The following ZNF552 variants were observed in gnomAD, a reference collection of about 807,000 sequenced individuals.
The protein encoded by ZNF552 is zinc finger protein 552.
ZNF552 carries 2 observed loss-of-function variants against 7.2 expected under a neutral mutation model. The observed-to-expected ratio is 0.28, with a 90% CI of 0.11 to 0.88. The LOEUF (loss-of-function observed/expected upper bound fraction) is 0.88, where lower values mean the gene tolerates loss of function less well. Among genes scored for constraint, ZNF552 ranks in the 40% least tolerant of loss-of-function variants. The pLI is 0.60. For missense variants in ZNF552, 421 were observed against 493.4 expected (o/e 0.85, Z 1.39); for synonymous variants, 173 against 176.5 (o/e 0.98, Z 0.16).
At chr19:57,814,591 G>A in intron 1 of ZNF552, 120 bp downstream of exon 1, 1 of 1,580,672 alleles carries the variant, frequency 6.3e-7, no homozygotes. Flanking sequence ...TCCCGAGAGC[G>A]CCTCAGTGTC....
chr19:57,808,505 G>A lies in ZNF552; in HGVS notation c.759C>T (p.Asp253=). Residue 253 remains aspartate (D), a synonymous_variant, in exon 3 of 3, where the codon GAC becomes GAT. Coordinates refer to ENST00000391701, the MANE Select transcript of ZNF552 (RefSeq NM_024762.3). The part of the protein sequence containing the change: ...CECGKSSSKY[D]SFSNHQGVHT... ...GAACTCCTTGATGATTACTGAAGCT[G>A]TCATATTTGCTAGAGGATTTCCCAC... The A allele has an allele frequency of 1.2e-6, 2 of 1,613,884 alleles. No individual in the cohort carries two copies. The highest frequency in any genetic ancestry group is 1.1e-5 in the South Asian group (1 of 91,052).
chr19:57,809,557 A>C (rs1010791527), intron 2 of ZNF552, among the ~76,000 whole-genome samples: 20 of 152,158 alleles, frequency 1.3e-4, no homozygotes, highest in Admixed American at 5.9e-4. Context: ...GATGTGAATA[A>C]AATTAAGATG....
chr19:57,814,683 C>G, intron 1 of ZNF552, 28 bp downstream of exon 1: 1 of 1,614,006 alleles, frequency 6.2e-7, no homozygotes, highest in South Asian at 1.1e-5. Flanking sequence ...AGGAGGTGAC[C>G]GGAGAGCACG....
chr19:57,811,228 G>A (rs1204903892), intron 2 of ZNF552, among the ~76,000 whole-genome samples: 4 of 151,774 alleles, frequency 2.6e-5, no homozygotes, highest in Admixed American at 2.0e-4. Flanking sequence ...GCTGGAGTGC[G>A]GTGGCACAAT....
Position 57,807,918 on chromosome 19 carries a change from T to A in ZNF552, c.*122A>T, listed in dbSNP as rs1987772052. ...TACTTGTAAGGACTCTTCTCTAGTGTGAACTCTCCAATATCCAAGGAGAGC... is the reference window on the plus strand; with the variant it reads ...TACTTGTAAGGACTCTTCTCTAGTGAGAACTCTCCAATATCCAAGGAGAGC... On this transcript the variant is annotated 3_prime_UTR_variant, in exon 3 of 3. Transcript: ENST00000391701. 1 of 1,296,820 alleles carries A rather than the reference T, an allele frequency of 7.7e-7. No homozygotes were observed. The highest frequency in any genetic ancestry group is 1.1e-6 in the Non-Finnish European group (1 of 946,914). 80.3% of individuals were successfully genotyped at this position (1,296,820 alleles called of 1,614,324 possible).
rs942546692 is a variant in ZNF552, at chr19:57,808,078, G to C, written c.1186C>G (p.Arg396Gly). 1.9e-6 allele frequency: 3 copies of C among 1,613,562 alleles called. No individual in the cohort carries two copies. Among genetic ancestry groups the C allele is most frequent in the African/African-American group, 2.7e-5 (2 of 74,828 alleles). Residue 396 changes from arginine to glycine, a missense_variant, in exon 3 of 3, where the codon CGT (arginine) becomes GGT (glycine). By Grantham distance (125) the Arg-to-Gly change is moderately radical. This residue lies in a region of ZNF552 where 299 missense variants were observed against 293.7 expected (regional missense o/e 1.02). Coordinates refer to ENST00000391701, the MANE Select transcript of ZNF552 (RefSeq NM_024762.3). ...EKKFRQISSL[R>G]HHQRVHKRKG... ...CTTTTGTGAACTCTCTGATGATGAC[G>C]AAGTGAAGAGATTTGCCTAAATTTT...
In ZNF552 at chr19:57,808,663, A is replaced by C; in HGVS notation, c.601T>G (p.Cys201Gly). Residue 201 changes from cysteine to glycine, a missense_variant, in exon 3 of 3, where the codon TGT becomes GGT. Physicochemically the swap from Cys to Gly is radical, Grantham distance 159. This residue lies in a region of ZNF552 where 299 missense variants were observed against 293.7 expected (regional missense o/e 1.02). Coordinates refer to ENST00000391701, the MANE Select transcript of ZNF552 (RefSeq NM_024762.3). Reference protein sequence around the residue: ...HTGKSNSKTECVSLFHGGKSH... With the variant: ...HTGKSNSKTEGVSLFHGGKSH... ...TTTCCCCCATGAAACAGAGACACAC[A>C]CTCAGTTTTGCTGTTTGACTTCCCA... The C allele has an allele frequency of 6.2e-7, 1 of 1,614,150 alleles. No homozygotes were observed. The highest frequency in any genetic ancestry group is 8.5e-7 in the Non-Finnish European group (1 of 1,180,022).
chr19:57,807,851 A>G lies in ZNF552; in HGVS notation c.*189T>C. The G allele has an allele frequency of 1.2e-6, 1 of 853,734 alleles. No individual in the cohort carries two copies. Among genetic ancestry groups the G allele is most frequent in the African/African-American group, 1.7e-5 (1 of 59,058 alleles). 52.9% of individuals were successfully genotyped at this position (853,734 alleles called of 1,614,324 possible). On this transcript the variant is annotated 3_prime_UTR_variant, in exon 3 of 3. Coordinates refer to ENST00000391701, the MANE Select transcript of ZNF552 (RefSeq NM_024762.3). ...CATTCAGTGTTAACTATAATCCTGAAGGAATACAGAGGTGTGGCTACAAAA... is the reference window on the plus strand; with the variant it reads ...CATTCAGTGTTAACTATAATCCTGAGGGAATACAGAGGTGTGGCTACAAAA...
chr19:57,814,056 C>T (rs1987911257), intron 1 of ZNF552, among the ~76,000 whole-genome samples: 2 of 152,040 alleles, frequency 1.3e-5, no homozygotes, highest in African/African-American at 4.8e-5. Context: ...TTCTTGTATG[C>T]GTTCCTTAAA....
chr19:57,813,977 A>ATCCG (rs199973250), intron 1 of ZNF552, among the ~76,000 whole-genome samples: 42,210 of 147,674 alleles, frequency 0.29, 6,258 homozygotes, highest in African/African-American at 0.38. Context: ...CTCCGGACCA[A>ATCCG]CCCGCCTAGG....
At chr19:57,811,715 C>CAAAAAAAAAAAA (rs1162967437) in intron 2 of ZNF552, among the ~76,000 whole-genome samples, 1 of 49,702 alleles carries the variant, frequency 2.0e-5, no homozygotes, top group Non-Finnish European at 3.4e-5. Flanking sequence ...AACTCCATCT[C>CAAAAAAAAAAAA]AAAAAAAAAA....
Position 57,808,080 on chromosome 19 carries a change from A to G in ZNF552, c.1184T>C (p.Leu395Pro). ...TTTGTGAACTCTCTGATGATGACGA[A>G]GTGAAGAGATTTGCCTAAATTTTTT... ...CEKKFRQISS[L>P]RHHQRVHKRK... The change falls in exon 3 of 3, where the codon CTT becomes CCT. Residue 395 changes from leucine to proline, a missense_variant. Physicochemically the swap from Leu to Pro is moderately conservative, Grantham distance 98. This residue lies in a region of ZNF552 where 299 missense variants were observed against 293.7 expected (regional missense o/e 1.02). Coordinates refer to ENST00000391701, the MANE Select transcript of ZNF552 (RefSeq NM_024762.3). 1 of 1,613,858 alleles carries G rather than the reference A, an allele frequency of 6.2e-7. No homozygotes were observed. Among genetic ancestry groups the G allele is most frequent in the Non-Finnish European group, 8.5e-7 (1 of 1,179,916 alleles).
At position 57,813,377 on chromosome 19, in the gene ZNF552, T is replaced by C. The variant is rs1485117699; in HGVS notation, c.77A>G (p.Glu26Gly). ...FEDVAVKFTQ[E>G]EWNLLSEAQR... The stretch of plus-strand genomic sequence containing the variant: ...AGCCTCACTAAGGAGATTCCATTCC[T>C]CCTGGGTAAATTTCACAGCCACGTC... Residue 26 changes from glutamate to glycine, a missense_variant, in exon 2 of 3, where the codon GAG (glutamate) becomes GGG (glycine). By Grantham distance (98) the Glu-to-Gly change is moderately conservative. Around this residue, in one of 2 missense-constraint regions of ZNF552, gnomAD observed 122 missense variants for 199.7 expected, o/e 0.61. Coordinates refer to ENST00000391701, the MANE Select transcript of ZNF552 (RefSeq NM_024762.3). The C allele has an allele frequency of 6.2e-7, 1 of 1,614,068 alleles. No individual in the cohort carries two copies. The highest frequency in any genetic ancestry group is 2.2e-5 in the East Asian group (1 of 44,884).
intron 1 of ZNF552, among the ~76,000 whole-genome samples, chr19:57,814,210 T>C (rs908154937): frequency 1.3e-5 from 2 of 152,232 alleles, no homozygotes; most frequent in African/African-American, 4.8e-5. Context: ...AACCTGCGTG[T>C]CTCAGCACAA....
Position 57,814,872 on chromosome 19 carries a change from C to T in ZNF552, c.-129G>A. On this transcript the variant is annotated 5_prime_UTR_variant, in exon 1 of 3. Transcript: ENST00000391701. ...AGTCACCACCACGGTCCCAACACAG[C>T]GCTCCAAGGACTCCCTAACGCCAAT... 1 of 971,352 alleles carries T rather than the reference C, an allele frequency of 1.0e-6. No homozygotes were observed. Among genetic ancestry groups the T allele is most frequent in the East Asian group, 2.6e-5 (1 of 38,026 alleles). 60.2% of individuals were successfully genotyped at this position (971,352 alleles called of 1,614,324 possible).
chr19:57,808,666 C>T lies in ZNF552; in HGVS notation c.598G>A (p.Glu200Lys), dbSNP rs1480561785. Residue 200 changes from glutamate (E) to lysine (K), a missense_variant, in exon 3 of 3, where the codon GAG becomes AAG. By Grantham distance (56) the Glu-to-Lys change is moderately conservative. Coordinates refer to ENST00000391701, the MANE Select transcript of ZNF552 (RefSeq NM_024762.3). The part of the protein sequence containing the change: ...THTGKSNSKT[E>K]CVSLFHGGKS... ...CCCCCATGAAACAGAGACACACACT[C>T]AGTTTTGCTGTTTGACTTCCCAGTG... 6.2e-7 allele frequency: 1 copy of T among 1,614,222 alleles called. No homozygotes were observed. Among genetic ancestry groups the T allele is most frequent in the East Asian group, 2.2e-5 (1 of 44,884 alleles).
chr19:57,810,565 T>C (rs748864864), intron 2 of ZNF552, among the ~76,000 whole-genome samples: 7 of 152,164 alleles, frequency 4.6e-5, no homozygotes, highest in African/African-American at 7.2e-5. Context: ...GGCAGCATGC[T>C]TGTTAAAAGT....
chr19:57,814,593 C>T, intron 1 of ZNF552, 118 bp downstream of exon 1: 1 of 1,583,586 alleles, frequency 6.3e-7, no homozygotes, highest in Admixed American at 1.8e-5. Flanking sequence ...CCGAGAGCGC[C>T]TCAGTGTCCC....
intron 2 of ZNF552, 114 bp downstream of exon 2, chr19:57,813,180 A>T: frequency 6.5e-7 from 1 of 1,529,598 alleles, no homozygotes; most frequent in Non-Finnish European, 8.8e-7. Context: ...CCAACCAAGA[A>T]CTGAAGTAGG....
Sources: gnomAD v4.1 joint callset for allele counts (sites outside exome capture counted in the v4.1 genomes callset) on GRCh38, gnomAD v4.1.1 for gene constraint, gnomAD v4.1.1 regional missense constraint, MANE v1.5 for transcripts, NCBI Gene and HGNC (gene_info 2026-07-23, HGNC 2026-07-21) for gene names.